The following MYO10 variants were observed in gnomAD, a reference collection of about 807,000 sequenced individuals.
MYO10 encodes unconventional myosin-X.
MYO10 carries 133 observed loss-of-function variants against 257.3 expected under a neutral mutation model. The ratio of observed to expected loss-of-function variants is 0.52; its 90% CI spans 0.45 to 0.60. The LOEUF is 0.60. Among genes scored for constraint, MYO10 ranks in the 20% least tolerant of loss-of-function variants. The pLI is 0.00. For missense variants in MYO10, 2,399 were observed against 2,635.7 expected (o/e 0.91, Z 1.97); for synonymous variants, 1,104 against 1,028.6 (o/e 1.07, Z -1.40).
chr5:16,899,829 C>A (rs1189514057), intron 1 of MYO10, among the ~76,000 whole-genome samples: 1 of 151,740 alleles, frequency 6.6e-6, no homozygotes, highest in African/African-American at 2.4e-5. Flanking sequence ...GAAACCCCAA[C>A]TCTACTAAAA....
At chr5:16,820,584 C>G (rs1266914476) in intron 2 of MYO10, among the ~76,000 whole-genome samples, 1 of 152,154 alleles carries the variant, frequency 6.6e-6, no homozygotes. Flanking sequence ...GAAGCCAGCA[C>G]AACTATCTCC....
chr5:16,847,423 C>CAA (rs34084990), intron 2 of MYO10, among the ~76,000 whole-genome samples: 4 of 134,348 alleles, frequency 3.0e-5, no homozygotes, highest in Non-Finnish European at 3.3e-5. Context: ...GACTCCACCT[C>CAA]AAAAAAAAAA....
chr5:16,792,122 CACACACACACAGAGAGAG>C (rs1560986892), intron 4 of MYO10, among the ~76,000 whole-genome samples: 2 of 121,806 alleles, frequency 1.6e-5, no homozygotes, highest in African/African-American at 5.5e-5. Context: ...CACACACACA[CACACACACACAGAGAGAG>C]AGAGAGAGAG....
At chr5:16,762,227 C>T (rs1740737278) in intron 15 of MYO10, 114 bp from the exon 16 acceptor site, 1 of 1,333,876 alleles carries the variant, frequency 7.5e-7, no homozygotes, top group Non-Finnish European at 9.9e-7. Context: ...CATTTCCAAA[C>T]TTGCCATGGA....
Position 16,666,846 on chromosome 5 carries a change from AG to A in MYO10, c.6076-54del, listed in dbSNP as rs2126447029. 2.1e-6 allele frequency: 3 copies of A among 1,415,176 alleles called. No homozygotes were observed. In the East Asian group the frequency reaches 7.4e-5, roughly 35 times the overall value. 87.7% of individuals were successfully genotyped at this position (1,415,176 alleles called of 1,614,324 possible). A position where few individuals can be genotyped will look rare whatever the true frequency, so the allele number is the denominator to read the frequency against. On this transcript the variant is annotated intron_variant, in intron 40 of 40. Transcript: ENST00000513610. ...AGCGTCACAAGTCTCCCCCAGGCAA[AG>A]GGCCCTGCCTAATAATCCAGACATT...
rs79417437 is a variant in MYO10 at position 16,795,003 on chromosome 5, T to G, written c.280-170A>C. Among the ~76,000 whole-genome samples, 101 of 152,268 alleles carry G rather than the reference T, an allele frequency of 6.6e-4. No homozygotes were observed. In the East Asian group the frequency reaches 0.017, roughly 26 times the overall value. ...AATCTTGATATTCTGGACAAATGAA[T>G]GAAGCCATTTCAAAGAGGGATGGCA... On this transcript the variant is annotated intron_variant, in intron 3 of 40. Transcript: ENST00000513610.
chr5:16,723,189 C>A (rs1739222181), intron 19 of MYO10, among the ~76,000 whole-genome samples: 1 of 151,738 alleles, frequency 6.6e-6, no homozygotes, highest in South Asian at 2.1e-4. Context: ...TCGAGACCAT[C>A]CTGGCTAACA....
At chr5:16,698,563 C>T (rs962672695) in intron 26 of MYO10, among the ~76,000 whole-genome samples, 6 of 151,816 alleles carry the variant, frequency 4.0e-5, no homozygotes, top group Non-Finnish European at 8.8e-5. Flanking sequence ...TCTTCACTTT[C>T]CCCCATGTCT....
At chr5:16,754,958 A>G (rs1740485685) in intron 18 of MYO10, 50 bp from the exon 19 acceptor site, 1 of 1,279,502 alleles carries the variant, frequency 7.8e-7, no homozygotes, top group Non-Finnish European at 1.1e-6. Flanking sequence ...GTCATTCTTT[A>G]AATTTCTCAG....
intron 3 of MYO10, among the ~76,000 whole-genome samples, chr5:16,806,479 A>G (rs1030714522): frequency 6.6e-6 from 1 of 151,612 alleles, no homozygotes; most frequent in African/African-American, 2.4e-5. Flanking sequence ...CATCTCTACT[A>G]AAAATATAAA....
chr5:16,724,841 C>T (rs1739291782), intron 19 of MYO10, among the ~76,000 whole-genome samples: 1 of 152,186 alleles, frequency 6.6e-6, no homozygotes, highest in Admixed American at 6.5e-5. Context: ...AACCCCACAG[C>T]TCTCCTGAGG....
At position 16,685,803 on chromosome 5, in the gene MYO10, G is replaced by A. The variant is rs1737228489; in HGVS notation, c.3925C>T (p.His1309Tyr). The A allele has an allele frequency of 1.2e-6, 2 of 1,602,740 alleles. No homozygotes were observed. Among genetic ancestry groups the A allele is most frequent in the East Asian group, 2.2e-5 (1 of 44,528 alleles). ...SQWFSVLSQV[H>Y]ASTDQEIQEM... ...TGGATCTCCTGGTCCGTGGACGCGT[G>A]GACCTGACTCAGCACGCTGAACCAC... Residue 1309 changes from histidine (H) to tyrosine (Y), a missense_variant, in exon 29 of 41, where the codon CAC (histidine) becomes TAC (tyrosine). By Grantham distance (83) the His-to-Tyr change is moderately conservative. This residue lies in a region of MYO10 where 1,820 missense variants were observed against 1,939.4 expected (regional missense o/e 0.94). Coordinates refer to ENST00000513610, the MANE Select transcript of MYO10 (RefSeq NM_012334.3).
chr5:16,870,278 C>T (rs1249747183), intron 2 of MYO10, among the ~76,000 whole-genome samples: 2 of 151,386 alleles, frequency 1.3e-5, no homozygotes, highest in East Asian at 3.9e-4. Flanking sequence ...TTGCTTCCTC[C>T]AAAACACTAA....
chr5:16,777,839 C>CTATTCTTTT (rs1391555719), intron 9 of MYO10, among the ~76,000 whole-genome samples: 11 of 88,478 alleles, frequency 1.2e-4, no homozygotes, highest in African/African-American at 5.9e-4. Context: ...TTGCATCTAA[C>CTATTCTTTT]TTTTTTTTTT....
intron 2 of MYO10, among the ~76,000 whole-genome samples, chr5:16,848,743 C>A (rs1432974505): frequency 6.6e-6 from 1 of 151,338 alleles, no homozygotes; most frequent in Non-Finnish European, 1.5e-5. Context: ...TACAGCGGCA[C>A]CATCACCAAC....
intron 4 of MYO10, among the ~76,000 whole-genome samples, chr5:16,784,633 G>A (rs1345212734): frequency 6.6e-6 from 1 of 152,200 alleles, no homozygotes; most frequent in Non-Finnish European, 1.5e-5. Context: ...ATAAGCAAGA[G>A]CACAGCCATA....
intron 37 of MYO10, 124 bp from the exon 38 acceptor site, chr5:16,671,666 G>A (rs1736469931): frequency 8.2e-7 from 1 of 1,223,856 alleles, no homozygotes; most frequent in African/African-American, 1.5e-5. Flanking sequence ...CCAGAAAACA[G>A]TGGATAGAGA....
intron 1 of MYO10, among the ~76,000 whole-genome samples, chr5:16,913,427 T>C (rs969922036): frequency 6.6e-6 from 1 of 152,202 alleles, no homozygotes; most frequent in Non-Finnish European, 1.5e-5. Flanking sequence ...TGTATATACG[T>C]GTATGGCTGT....
chr5:16,682,535 A>G (rs1737055422), intron 30 of MYO10, among the ~76,000 whole-genome samples: 1 of 152,194 alleles, frequency 6.6e-6, no homozygotes, highest in Non-Finnish European at 1.5e-5. Context: ...CTAGTCACGG[A>G]TAACGTGATA....
Sources: gnomAD v4.1 joint callset for allele counts (sites outside exome capture counted in the v4.1 genomes callset) on GRCh38, gnomAD v4.1.1 for gene constraint, gnomAD v4.1.1 regional missense constraint, MANE v1.5 for transcripts, NCBI Gene and HGNC (gene_info 2026-07-23, HGNC 2026-07-21) for gene names.